Variants in TSHR observed in about 807,000 individuals in gnomAD.
TSHR encodes thyroid stimulating hormone receptor.
TSHR carries 51 observed loss-of-function variants against 64.1 expected under a neutral mutation model. That is an observed-to-expected ratio of 0.80 (90% CI 0.64 to 1.01). TSHR has a LOEUF of 1.01. Among genes scored for constraint, TSHR ranks in the 50% least tolerant of loss-of-function variants. The pLI, the probability that TSHR is intolerant of heterozygous loss-of-function variation, is 0.00. For missense variants in TSHR, 877 were observed against 942.8 expected, an observed-to-expected ratio of 0.93 and a Z score of 0.91; for synonymous variants, 361 against 361.9, an observed-to-expected ratio of 1.00 and a Z score of 0.03.
intron 1 of TSHR, among the ~76,000 whole-genome samples, chr14:81,038,192 G>A (rs1004737240): frequency 7.9e-5 from 12 of 151,830 alleles, no homozygotes; most frequent in Admixed American, 2.0e-4. Context: ...TTTGGAAATC[G>A]TGCAAATACA....
intron 3 of TSHR, among the ~76,000 whole-genome samples, chr14:81,077,749 T>C (rs1266488319): frequency 6.6e-6 from 1 of 152,170 alleles, no homozygotes; most frequent in Non-Finnish European, 1.5e-5. Context: ...TCTTCTCTGT[T>C]CTTTGTTCCT....
At chr14:81,101,756 C>A (rs61010598) in intron 7 of TSHR, among the ~76,000 whole-genome samples, 17,314 of 152,112 alleles carry the variant, frequency 0.11, 2,732 homozygotes, top group African/African-American at 0.36. Flanking sequence ...GAAACCTGAT[C>A]TGCACATCTT....
At chr14:80,955,917 T>C (rs1175296970) in intron 1 of TSHR, 67 bp downstream of exon 1, 5 of 1,603,314 alleles carry the variant, frequency 3.1e-6, no homozygotes, top group African/African-American at 1.3e-5. Context: ...TGGCCCGAAG[T>C]GCACAAAAGC....
intron 1 of TSHR, among the ~76,000 whole-genome samples, chr14:81,044,051 G>A (rs763120586): frequency 3.3e-5 from 5 of 152,006 alleles, no homozygotes; most frequent in African/African-American, 7.2e-5. Context: ...TAAAAACACC[G>A]AAAGCAATTA....
chr14:81,087,857 T>C (rs1295332162), intron 3 of TSHR, 97 bp from the exon 4 acceptor site: 2 of 1,011,904 alleles, frequency 2.0e-6, no homozygotes. Flanking sequence ...CATATTTTTC[T>C]CATGAACGTT....
At chr14:81,080,673 TA>T (rs200741092) in intron 3 of TSHR, among the ~76,000 whole-genome samples, 3,503 of 152,310 alleles carry the variant, frequency 0.023, 53 homozygotes, top group Non-Finnish European at 0.033. Context: ...TATGGAATGT[TA>T]ATAATAATTC....
At chr14:81,109,965 C>T (rs891348280) in intron 8 of TSHR, among the ~76,000 whole-genome samples, 1 of 152,226 alleles carries the variant, frequency 6.6e-6, no homozygotes, top group Non-Finnish European at 1.5e-5. Flanking sequence ...ATATCTGCTT[C>T]TTCAAGATTA....
intron 1 of TSHR, among the ~76,000 whole-genome samples, chr14:81,029,033 A>T (rs1362916326): frequency 1.3e-5 from 2 of 151,740 alleles, no homozygotes; most frequent in African/African-American, 4.8e-5. Flanking sequence ...CTAAATTTGA[A>T]ATTTTTAATA....
intron 1 of TSHR, chr14:80,983,357 C>A: frequency 9.1e-7 from 1 of 1,092,904 alleles, no homozygotes; most frequent in Non-Finnish European, 1.3e-6. Flanking sequence ...ATTTGCCATC[C>A]TTGAGAAAGT....
At position 80,964,090 on chromosome 14, in the gene TSHR, G is replaced by A. The variant is rs1053008485; in HGVS notation, c.170+8240G>A. Among the ~76,000 whole-genome samples, 7 of 152,222 alleles carry A rather than the reference G, an allele frequency of 4.6e-5. No homozygotes were observed. In the South Asian group the frequency reaches 6.2e-4, roughly 14 times the overall value. On this transcript the variant is annotated intron_variant, in intron 1 of 9. Coordinates refer to ENST00000298171, the MANE Select transcript of TSHR (RefSeq NM_000369.5). ...CTTAAAAGAAGGTTGGTCTCAGCCA[G>A]GTGGGGTGGCTCACGCCTGTAATCT...
chr14:81,019,454 A>G (rs1051926818), intron 1 of TSHR, among the ~76,000 whole-genome samples: 4 of 140,594 alleles, frequency 2.8e-5, no homozygotes, highest in African/African-American at 1.1e-4. Flanking sequence ...CAAATCATCA[A>G]TTCTTTTTTT....
chr14:81,135,382 C>A (rs1891413337), intron 8 of TSHR, among the ~76,000 whole-genome samples: 1 of 152,186 alleles, frequency 6.6e-6, no homozygotes, highest in South Asian at 2.1e-4. Context: ...ACATTCTTTC[C>A]TAAGTCTTTC....
chr14:80,983,190 T>C (rs3783947), intron 1 of TSHR: 500,920 of 1,159,768 alleles, frequency 0.43, 111,232 homozygotes, highest in East Asian at 0.63. Flanking sequence ...TGAAAGACAA[T>C]GCAAAATTGA....
At position 81,133,742 on chromosome 14, in the gene TSHR, G is replaced by C. The variant is rs74695983; in HGVS notation, c.693-5937G>C. On this transcript the variant is annotated intron_variant, in intron 8 of 9. Coordinates refer to ENST00000298171, the MANE Select transcript of TSHR (RefSeq NM_000369.5). ...AACCAGAGATCTCCAGTCAAAGAAT[G>C]CTCCTAACATGGAAGATCAAAACCA... Among the ~76,000 whole-genome samples the C allele has an allele frequency of 1.4e-3, 216 of 152,238 alleles. 1 individual carries two copies. The highest frequency in any genetic ancestry group is 5.1e-3 in the African/African-American group (213 of 41,536).
At chr14:81,050,484 T>C (rs1278191053) in intron 1 of TSHR, 2 of 152,170 alleles carry the variant, frequency 1.3e-5, no homozygotes, top group South Asian at 2.1e-4. Context: ...TTCAGACCCA[T>C]GTGACAGTTG....
chr14:81,138,788 C>T (rs967597052), intron 8 of TSHR, among the ~76,000 whole-genome samples: 6 of 151,998 alleles, frequency 3.9e-5, no homozygotes, highest in African/African-American at 1.5e-4. Context: ...GAATTATCTT[C>T]TATGAGGAAT....
rs1192103952 is a variant in TSHR, at chr14:81,144,032, C to A, written c.1974C>A (p.Asn658Lys). The change falls in exon 10 of 10, where the codon AAC becomes AAA. Residue 658 changes from asparagine (N) to lysine (K), a missense_variant. Physicochemically the swap from Asn to Lys is moderately conservative, Grantham distance 94 (BLOSUM62 0). Transcript: ENST00000298171. ...ACAAGCCTCTCATCACTGTTAGCAA[C>A]TCCAAAATCTTGCTGGTACTCTTCT... ...ILNKPLITVSNSKILLVLFYP... is the reference protein window; with the variant it reads ...ILNKPLITVSKSKILLVLFYP... 1 of 1,614,192 alleles carries A rather than the reference C, an allele frequency of 6.2e-7. No individual in the cohort carries two copies. The highest frequency in any genetic ancestry group is 8.5e-7 in the Non-Finnish European group (1 of 1,180,038).
intron 1 of TSHR, among the ~76,000 whole-genome samples, chr14:81,036,390 T>A (rs963009142): frequency 6.6e-6 from 1 of 152,178 alleles, no homozygotes; most frequent in Non-Finnish European, 1.5e-5. Flanking sequence ...TCAGCAGATT[T>A]CTCAACAAAA....
chr14:81,114,078 A>G (rs1027407146), intron 8 of TSHR, among the ~76,000 whole-genome samples: 2 of 151,408 alleles, frequency 1.3e-5, no homozygotes, highest in Admixed American at 1.3e-4. Context: ...CAAAATGTAT[A>G]CCTTCCAAGT....
Sources: allele counts gnomAD v4.1 joint callset (sites outside exome capture counted in the v4.1 genomes callset), GRCh38; gene constraint gnomAD v4.1.1; transcripts MANE v1.5; gene names NCBI Gene and HGNC (gene_info 2026-07-23, HGNC 2026-07-21).